MEIS2: variants seen among roughly 807,000 people sequenced by gnomAD.
The protein encoded by MEIS2 is homeobox protein Meis2.
In MEIS2, 9 loss-of-function variants were observed where a neutral mutation model predicts 58.6. The observed-to-expected ratio is 0.15, with a 90% CI of 0.09 to 0.27. The LOEUF (loss-of-function observed/expected upper bound fraction) is 0.27. MEIS2 is among the 10% of genes least tolerant of loss of function. MEIS2 has a pLI of 1.00. For synonymous variants in MEIS2, 221 were observed against 228.4 expected (o/e 0.97, Z 0.29); for missense variants, 427 against 635.0 (o/e 0.67, Z 3.52).
At chr15:36,990,241 G>A (rs1232834171) in intron 8 of MEIS2, among the ~76,000 whole-genome samples, 2 of 151,926 alleles carry the variant, frequency 1.3e-5, no homozygotes, top group Non-Finnish European at 2.9e-5. Flanking sequence ...CACCGCGCCC[G>A]GCCTGGAAGC....
rs1056411585 is a variant in MEIS2 at position 37,081,145 on chromosome 15, T to A, written c.754+2626A>T. Among the ~76,000 whole-genome samples, 17 of 152,242 alleles carry A rather than the reference T, an allele frequency of 1.1e-4. No homozygotes were observed. In the East Asian group the frequency reaches 3.3e-3, roughly 29 times the overall value. On this transcript the variant is annotated intron_variant, in intron 7 of 11. Coordinates refer to ENST00000561208, the MANE Select transcript of MEIS2 (RefSeq NM_170675.5). The stretch of plus-strand genomic sequence containing the variant: ...TTAATTTAAAATGTGTATGAAAACA[T>A]TGTATTTAGTACAATTCATCCCTAT...
At chr15:36,895,824 T>C (rs550674467) in intron 10 of MEIS2, among the ~76,000 whole-genome samples, 1 of 152,266 alleles carries the variant, frequency 6.6e-6, no homozygotes, top group South Asian at 2.1e-4. Context: ...ATTGGGGAAA[T>C]TTTGCCAAAG....
At chr15:37,035,069 G>A (rs1019774679) in intron 8 of MEIS2, among the ~76,000 whole-genome samples, 7 of 152,026 alleles carry the variant, frequency 4.6e-5, no homozygotes, top group African/African-American at 1.7e-4. Context: ...GTTTATTTTC[G>A]ACCAAGAAAG....
chr15:36,932,667 T>A (rs183426330), intron 9 of MEIS2, among the ~76,000 whole-genome samples: 3 of 152,268 alleles, frequency 2.0e-5, no homozygotes, highest in Non-Finnish European at 2.9e-5. Context: ...TGCATGTGTG[T>A]GTGCACGTGT....
rs1041312557 is a variant in MEIS2 at position 36,911,602 on chromosome 15, A to C, written c.978-14916T>G. Among the ~76,000 whole-genome samples, 3 of 152,334 alleles carry C rather than the reference A, an allele frequency of 2.0e-5. No homozygotes were observed. In the East Asian group the frequency reaches 5.8e-4, roughly 29 times the overall value. On this transcript the variant is annotated intron_variant, in intron 9 of 11. Coordinates refer to ENST00000561208, the MANE Select transcript of MEIS2 (RefSeq NM_170675.5). ...TCTTGTTTACAGAGCTTACAAGTAC[A>C]AAATCAGCTTTTACTTATAACTGTG...
chr15:37,049,966 T>C (rs1268512266), intron 7 of MEIS2, among the ~76,000 whole-genome samples: 1 of 152,194 alleles, frequency 6.6e-6, no homozygotes, highest in Non-Finnish European at 1.5e-5. Flanking sequence ...TGGACAAATA[T>C]ATGTACTTGA....
intron 8 of MEIS2, among the ~76,000 whole-genome samples, chr15:36,968,852 C>T (rs751814103): frequency 1.3e-5 from 2 of 150,880 alleles, no homozygotes; most frequent in Non-Finnish European, 3.0e-5. Context: ...CCATATTTCA[C>T]GCAACTCTTT....
chr15:37,004,294 C>T (rs181444472), intron 8 of MEIS2, among the ~76,000 whole-genome samples: 4 of 152,290 alleles, frequency 2.6e-5, no homozygotes, highest in Admixed American at 1.3e-4. Context: ...TCAGAGAGCA[C>T]GTGAACTTGA....
rs1555474187 is a variant in MEIS2, at chr15:37,098,423, A to AGAGG, written c.13-225_13-224insCCTC. Reference sequence around the variant, plus strand: ...GAGAGAGAGAGAGAGAGAGAGAGAGAGAAAATAAAAATAAAAACAAAGTCA... The same window carrying AGAGG: ...GAGAGAGAGAGAGAGAGAGAGAGAGAGAGGGAAAATAAAAATAAAAACAAAGTCA... On this transcript the variant is annotated intron_variant, in intron 1 of 11. Coordinates refer to ENST00000561208, the MANE Select transcript of MEIS2 (RefSeq NM_170675.5). The AGAGG allele has an allele frequency of 1.8e-4, 219 of 1,194,672 alleles. 4 individuals carry two copies. In the African/African-American group the frequency reaches 2.3e-3, roughly 13 times the overall value. The allele number at this position is 1,194,672 out of a possible 1,614,324, so 74.0% of individuals were successfully genotyped here.
intron 7 of MEIS2, among the ~76,000 whole-genome samples, chr15:37,043,439 A>G (rs1247329623): frequency 2.0e-5 from 3 of 152,172 alleles, no homozygotes; most frequent in Non-Finnish European, 4.4e-5. Flanking sequence ...GGAAGTAGGT[A>G]TACTTATGAA....
intron 7 of MEIS2, among the ~76,000 whole-genome samples, chr15:37,043,603 C>T (rs1038065256): frequency 7.9e-5 from 12 of 151,136 alleles, no homozygotes; most frequent in African/African-American, 2.7e-4. Context: ...TACATATATA[C>T]ATTTACATAT....
chr15:36,987,808 T>C (rs2060141178), intron 8 of MEIS2, among the ~76,000 whole-genome samples: 1 of 152,072 alleles, frequency 6.6e-6, no homozygotes, highest in East Asian at 1.9e-4. Flanking sequence ...AAACACTTGA[T>C]TCAGTCACCA....
intron 9 of MEIS2, among the ~76,000 whole-genome samples, chr15:36,920,078 G>A (rs1314232291): frequency 2.0e-5 from 3 of 152,004 alleles, no homozygotes; most frequent in Non-Finnish European, 2.9e-5. Flanking sequence ...AATGGAGGCT[G>A]GAGATTAAAG....
At position 36,895,152 on chromosome 15, in the gene MEIS2, T is replaced by A. The variant is rs1242390239; in HGVS notation, c.1146A>T (p.Ala382=). ...CAGAGGCGGGATGAGCCAACCTACC[T>A]GCAGGCCGGATCCCCATGTGTTGCT... is the stretch of plus-strand genomic sequence containing the variant. The part of the protein sequence containing the change: ...DGQQHMGIRP[A]GLQSMPGDYV... Residue 382 remains alanine, a splice_region_variant and synonymous_variant, in exon 11 of 12, where the codon GCA becomes GCT. Transcript: ENST00000561208. 1 of 1,613,376 alleles carries A rather than the reference T, an allele frequency of 6.2e-7. No individual in the cohort carries two copies. Among genetic ancestry groups the A allele is most frequent in the Admixed American group, 1.7e-5 (1 of 60,004 alleles).
At chr15:36,992,431 A>G (rs2060329026) in intron 8 of MEIS2, among the ~76,000 whole-genome samples, 1 of 152,164 alleles carries the variant, frequency 6.6e-6, no homozygotes, top group East Asian at 1.9e-4. Context: ...GAATATTAAA[A>G]CATCCTGAAT....
At chr15:37,007,019 A>G (rs901148732) in intron 8 of MEIS2, among the ~76,000 whole-genome samples, 3 of 152,232 alleles carry the variant, frequency 2.0e-5, no homozygotes, top group Admixed American at 6.5e-5. Flanking sequence ...AATATATTTA[A>G]TCTCTCTGGG....
At chr15:37,005,635 T>C (rs1301468723) in intron 8 of MEIS2, among the ~76,000 whole-genome samples, 2 of 152,196 alleles carry the variant, frequency 1.3e-5, no homozygotes, top group Admixed American at 1.3e-4. Flanking sequence ...TGATCTCTGC[T>C]CACTGCAGCC....
intron 8 of MEIS2, among the ~76,000 whole-genome samples, chr15:37,001,465 A>G (rs1020584895): frequency 2.6e-5 from 4 of 152,138 alleles, no homozygotes; most frequent in African/African-American, 9.7e-5. Flanking sequence ...ATTTATTTGA[A>G]TAGTTACTGG....
At chr15:36,905,432 C>T (rs1235932272) in intron 9 of MEIS2, among the ~76,000 whole-genome samples, 4 of 152,130 alleles carry the variant, frequency 2.6e-5, no homozygotes, top group Admixed American at 6.5e-5. Flanking sequence ...TAACCTACAT[C>T]ACCCTTTGGC....
Sources: allele counts gnomAD v4.1 joint callset (sites outside exome capture counted in the v4.1 genomes callset), GRCh38; gene constraint gnomAD v4.1.1; transcripts MANE v1.5; gene names NCBI Gene and HGNC (gene_info 2026-07-23, HGNC 2026-07-21).